The following NCOA3 variants were observed in gnomAD, a reference collection of about 807,000 sequenced individuals.
The protein encoded by NCOA3 is CBP-interacting protein.
A neutral mutation model predicts 158.8 loss-of-function variants in NCOA3; 51 were observed. The observed-to-expected ratio is 0.32, with a 90% CI of 0.26 to 0.41. The LOEUF (loss-of-function observed/expected upper bound fraction) is 0.41. Ranked by LOEUF, NCOA3 falls within the 10% of genes least tolerant of loss-of-function variation. The pLI, the probability that NCOA3 is intolerant of heterozygous loss-of-function variation, is 1.00. For synonymous variants in NCOA3, 537 were observed against 592.4 expected (o/e 0.91, Z 1.36); for missense variants, 1,510 against 1,746.6 (o/e 0.86, Z 2.41).
At chr20:47,572,886 C>T (rs1247408411) in intron 1 of NCOA3, among the ~76,000 whole-genome samples, 1 of 152,066 alleles carries the variant, frequency 6.6e-6, no homozygotes, top group Non-Finnish European at 1.5e-5. Context: ...CTTCCTTTTA[C>T]TTACTTGAAC....
Position 47,651,250 on chromosome 20 carries a change from A to T in NCOA3, c.3920A>T (p.Gln1307Leu). 1 of 1,610,180 alleles carries T rather than the reference A, an allele frequency of 6.2e-7. No homozygotes were observed. Among genetic ancestry groups the T allele is most frequent in the Non-Finnish European group, 8.5e-7 (1 of 1,176,598 alleles). ...AGPTMPQAPP[Q>L]QFPYQPNYGM... ...CCCACAATGCCACAAGCTCCTCCGC[A>T]ACAGTTTCCATATCAACCAAATTAT... Residue 1307 changes from glutamine (Q) to leucine (L), a missense_variant, in exon 20 of 23, where the codon CAA becomes CTA. This residue lies in a region of NCOA3 where 180 missense variants were observed against 199.3 expected (regional missense o/e 0.90). Coordinates refer to ENST00000371998, the MANE Select transcript of NCOA3 (RefSeq NM_181659.3).
chr20:47,563,832 T>C (rs1286033953), intron 1 of NCOA3, among the ~76,000 whole-genome samples: 3 of 141,596 alleles, frequency 2.1e-5, no homozygotes, highest in Non-Finnish European at 4.5e-5. Context: ...GAGCTTGCAG[T>C]GAGCCAAGAT....
At position 47,633,498 on chromosome 20, in the gene NCOA3, A is replaced by C; in HGVS notation, c.826A>C (p.Lys276Gln). 1 of 1,602,890 alleles carries C rather than the reference A, an allele frequency of 6.2e-7. No individual in the cohort carries two copies. Among genetic ancestry groups the C allele is most frequent in the Non-Finnish European group, 8.5e-7 (1 of 1,176,894 alleles). Residue 276 changes from lysine (K) to glutamine (Q), a missense_variant and splice_region_variant, in exon 9 of 23, where the codon AAG becomes CAG. Around this residue, in one of 4 missense-constraint regions of NCOA3, gnomAD observed 309 missense variants for 427.1 expected, o/e 0.72. Transcript: ENST00000371998. ...SFITRHDLSGKVVNIDTNSLR... is the reference protein window; with the variant it reads ...SFITRHDLSGQVVNIDTNSLR... ...TTTTTCCTTTTTTTGTTTAATAGGA[A>C]AGGTTGTCAATATAGATACAAATTC...
intron 2 of NCOA3, among the ~76,000 whole-genome samples, chr20:47,596,097 G>A (rs957327828): frequency 1.3e-5 from 2 of 152,116 alleles, no homozygotes; most frequent in African/African-American, 2.4e-5. Context: ...AGAACGGGAC[G>A]GTCAGTTCGT....
chr20:47,618,880 G>T (rs1368875047), intron 2 of NCOA3, among the ~76,000 whole-genome samples: 1 of 152,122 alleles, frequency 6.6e-6, no homozygotes, highest in East Asian at 1.9e-4. Flanking sequence ...TGATATTTGT[G>T]CTTATTAATT....
At chr20:47,651,612 G>A (rs571708684) in intron 20 of NCOA3, among the ~76,000 whole-genome samples, 1 of 152,216 alleles carries the variant, frequency 6.6e-6, no homozygotes, top group Admixed American at 6.5e-5. Flanking sequence ...GGTCAAGTCA[G>A]TGAGAGGAAT....
chr20:47,623,886 C>T (rs773679168), intron 3 of NCOA3, 25 bp from the exon 4 acceptor site: 67 of 1,597,066 alleles, frequency 4.2e-5, no homozygotes, highest in Middle Eastern at 1.9e-4. Flanking sequence ...TCTCCTTTCC[C>T]CCCTTTCTAC....
chr20:47,638,971 A>G lies in NCOA3; in HGVS notation c.2513-37A>G, dbSNP rs1473643831. The G allele has an allele frequency of 3.3e-6, 5 of 1,504,670 alleles. No individual in the cohort carries two copies. In the African/African-American group the frequency reaches 7.0e-5, roughly 21 times the overall value. 93.2% of individuals were successfully genotyped at this position (1,504,670 alleles called of 1,614,324 possible). ...TTGTACTTGATTATTTATATATTAA[A>G]TCACGAAGAAATGTTTTTGTATTGT... On this transcript the variant is annotated intron_variant, in intron 13 of 22. Coordinates refer to ENST00000371998, the MANE Select transcript of NCOA3 (RefSeq NM_181659.3).
chr20:47,548,585 C>A lies in NCOA3; in HGVS notation c.-98-34598C>A, dbSNP rs374566027. Among the ~76,000 whole-genome samples, 8 of 152,026 alleles carry A rather than the reference C, an allele frequency of 5.3e-5. No individual in the cohort carries two copies. The East Asian group carries it at 9.7e-4, about 18-fold the overall frequency. On this transcript the variant is annotated intron_variant, in intron 1 of 22. Coordinates refer to ENST00000371998, the MANE Select transcript of NCOA3 (RefSeq NM_181659.3). ...ATAAAAATAAAAATTAAAAAAAAAT[C>A]TTTTTTACTGCATTTTCAGTGGCAG...
intron 1 of NCOA3, among the ~76,000 whole-genome samples, chr20:47,565,242 A>T (rs182353695): frequency 6.6e-6 from 1 of 152,106 alleles, no homozygotes; most frequent in South Asian, 2.1e-4. Flanking sequence ...CGGCCTCCCA[A>T]TGTGCTAGGA....
chr20:47,634,147 C>T lies in NCOA3; in HGVS notation c.1064C>T (p.Pro355Leu), dbSNP rs6094755. ...ACAAAAAGCAAACTCTTCCGAAATC[C>T]TGTAACAAATGATCGACATGGCTTT... is the stretch of plus-strand genomic sequence containing the variant. The part of the protein sequence containing the change: ...AQTKSKLFRN[P>L]VTNDRHGFVS... The change falls in exon 10 of 23, where the codon CCT (proline) becomes CTT (leucine). Residue 355 changes from proline (P) to leucine (L), a missense_variant. Around this residue, in one of 4 missense-constraint regions of NCOA3, gnomAD observed 1,017 missense variants for 1,098.3 expected, o/e 0.93. Coordinates refer to ENST00000371998, the MANE Select transcript of NCOA3 (RefSeq NM_181659.3). 6.2e-7 allele frequency: 1 copy of T among 1,614,118 alleles called. No individual in the cohort carries two copies. The highest frequency in any genetic ancestry group is 8.5e-7 in the Non-Finnish European group (1 of 1,180,022).
chr20:47,612,486 G>T (rs1033077395), intron 2 of NCOA3, among the ~76,000 whole-genome samples: 5 of 152,140 alleles, frequency 3.3e-5, no homozygotes, highest in African/African-American at 1.2e-4. Context: ...GAATATTCTA[G>T]ATGGAAAAGC....
chr20:47,623,160 C>CTAGT (rs1418068442), intron 3 of NCOA3: 2 of 152,172 alleles, frequency 1.3e-5, no homozygotes, highest in Non-Finnish European at 2.9e-5. Flanking sequence ...TAACACTACT[C>CTAGT]TATAGCTTTT....
At chr20:47,530,735 G>T (rs138459710) in intron 1 of NCOA3, among the ~76,000 whole-genome samples, 16 of 152,286 alleles carry the variant, frequency 1.1e-4, no homozygotes, top group African/African-American at 3.9e-4. Flanking sequence ...AAAGTGCTGG[G>T]ATTACAGGCG....
intron 2 of NCOA3, among the ~76,000 whole-genome samples, 151 bp from the exon 3 acceptor site, chr20:47,622,076 GTA>G (rs1372009611): frequency 6.6e-6 from 1 of 152,132 alleles, no homozygotes; most frequent in Non-Finnish European, 1.5e-5. Context: ...GTTGTCTTCA[GTA>G]TAGTCATTTA....
chr20:47,540,148 A>G (rs2084699419), intron 1 of NCOA3, among the ~76,000 whole-genome samples: 1 of 152,192 alleles, frequency 6.6e-6, no homozygotes, highest in South Asian at 2.1e-4. Context: ...TTAGGAGTCA[A>G]GGAAATAAAA....
intron 8 of NCOA3, among the ~76,000 whole-genome samples, chr20:47,629,221 C>A (rs774651614): frequency 6.6e-6 from 1 of 152,032 alleles, no homozygotes; most frequent in Non-Finnish European, 1.5e-5. Context: ...TCATTTTATG[C>A]CATCAGTAAC....
At position 47,639,829 on chromosome 20, in the gene NCOA3, G is replaced by A. The variant is rs780158445; in HGVS notation, c.2953+7G>A. 6.2e-7 allele frequency: 1 copy of A among 1,613,508 alleles called. No individual in the cohort carries two copies. The highest frequency in any genetic ancestry group is 8.5e-7 in the Non-Finnish European group (1 of 1,179,452). ...CAGCAGATGCTTCAAATGAGTAAGT[G>A]TCCACCCTCCCCTCTTCATGAAAAA... On this transcript the variant is annotated splice_region_variant and intron_variant, in intron 15 of 22. Transcript: ENST00000371998.
Position 47,639,196 on chromosome 20 carries a change from A to G in NCOA3, c.2701A>G (p.Ser901Gly). Residue 901 changes from serine (S) to glycine (G), a missense_variant, in exon 14 of 23, where the codon AGT becomes GGT. Transcript: ENST00000371998. ...GGATAGTCAGGAAAATTATGGCTCAAGTATGGGTACGTTATTTCTAATTAG... is the reference window on the plus strand; with the variant it reads ...GGATAGTCAGGAAAATTATGGCTCAGGTATGGGTACGTTATTTCTAATTAG... ...MMDSQENYGS[S>G]MGGPNRNVTV... 2 of 1,610,316 alleles carry G rather than the reference A, an allele frequency of 1.2e-6. No individual in the cohort carries two copies. Among genetic ancestry groups the G allele is most frequent in the Non-Finnish European group, 8.5e-7 (1 of 1,176,660 alleles).
Sources: allele counts gnomAD v4.1 joint callset (sites outside exome capture counted in the v4.1 genomes callset), GRCh38; gene constraint gnomAD v4.1.1; regional missense constraint gnomAD v4.1.1; transcripts MANE v1.5; gene names NCBI Gene and HGNC (gene_info 2026-07-23, HGNC 2026-07-21).